TRPC4AP: variants seen among roughly 807,000 people sequenced by gnomAD.
TRPC4AP encodes transient receptor potential cation channel subfamily C member 4 associated protein, also known as short transient receptor potential channel 4-associated protein.
Under a neutral mutation model 99.0 loss-of-function variants are expected in TRPC4AP, and 45 were observed. The observed-to-expected ratio is 0.45, with a 90% CI of 0.36 to 0.58. The LOEUF (loss-of-function observed/expected upper bound fraction) is 0.58, where lower values mean the gene tolerates loss of function less well. TRPC4AP is among the 20% of genes least tolerant of loss of function. TRPC4AP has a pLI of 0.00. For synonymous variants in TRPC4AP, 408 were observed against 385.8 expected, an observed-to-expected ratio of 1.06 and a Z score of -0.67; for missense variants, 879 against 985.3, an observed-to-expected ratio of 0.89 and a Z score of 1.44.
chr20:35,061,871 T>G (rs763175181), intron 3 of TRPC4AP, among the ~76,000 whole-genome samples: 3 of 152,192 alleles, frequency 2.0e-5, no homozygotes, highest in African/African-American at 4.8e-5. Context: ...TTAAAGACTT[T>G]GTGTTTCAAA....
chr20:35,035,184 G>A lies in TRPC4AP; in HGVS notation c.990C>T (p.Asp330=). The A allele has an allele frequency of 6.2e-7, 1 of 1,614,088 alleles. No individual in the cohort carries two copies. The highest frequency in any genetic ancestry group is 1.3e-5 in the African/African-American group (1 of 75,024). ...QELEEWYTWL[D]NALVLDALMR... ...TCAGGGCATCTAGCACCAAAGCATT[G>A]TCTAGCCATGTGTACCACTCTTCCA... Residue 330 remains aspartate (D), a synonymous_variant, in exon 8 of 19, where the codon GAC becomes GAT. Coordinates refer to ENST00000252015, the MANE Select transcript of TRPC4AP (RefSeq NM_015638.3).
chr20:35,029,623 ACTTT>A (rs1472360666), intron 8 of TRPC4AP, among the ~76,000 whole-genome samples: 1 of 98,146 alleles, frequency 1.0e-5, no homozygotes. Flanking sequence ...TTCCCAAGTT[ACTTT>A]CTTTTTTTTT....
chr20:35,035,386 C>G, intron 7 of TRPC4AP, 78 bp from the exon 8 acceptor site: 2 of 1,410,114 alleles, frequency 1.4e-6, no homozygotes, highest in Middle Eastern at 1.9e-4. Context: ...AACAAACAAT[C>G]TGCATGATAG....
chr20:35,021,412 T>C (rs924314027), intron 8 of TRPC4AP, 56 bp from the exon 9 acceptor site: 97 of 1,586,774 alleles, frequency 6.1e-5, no homozygotes, highest in Admixed American at 8.5e-5. Context: ...AACACGTTTC[T>C]GCCCCTCGAA....
intron 1 of TRPC4AP, among the ~76,000 whole-genome samples, chr20:35,090,967 G>A (rs1334590840): frequency 1.3e-5 from 2 of 151,884 alleles, no homozygotes; most frequent in African/African-American, 4.8e-5. Flanking sequence ...CTCACTAAAA[G>A]TTAGTCCTCT....
At position 35,002,556 on chromosome 20, in the gene TRPC4AP, C is replaced by G. The variant is rs1274976366; in HGVS notation, c.*590G>C. 1 of 208,728 alleles carries G rather than the reference C, an allele frequency of 4.8e-6. No individual in the cohort carries two copies. Among genetic ancestry groups the G allele is most frequent in the South Asian group, 1.7e-4 (1 of 5,718 alleles). 12.9% of individuals were successfully genotyped at this position (208,728 alleles called of 1,614,324 possible). A position where few individuals can be genotyped will look rare whatever the true frequency, so the allele number is the denominator to read the frequency against. ...GGGCAGGCACAGCTGCCCCGTGCCC[C>G]AAGGGATGGAGGGAAAGGCCCCTCA... On this transcript the variant is annotated 3_prime_UTR_variant, in exon 19 of 19. Transcript: ENST00000252015.
At chr20:35,050,082 G>T in intron 5 of TRPC4AP, 88 bp from the exon 6 acceptor site, 1 of 1,429,446 alleles carries the variant, frequency 7.0e-7, no homozygotes, top group East Asian at 2.4e-5. Flanking sequence ...CTGAAAAGCA[G>T]TTTCACCTCT....
intron 8 of TRPC4AP, among the ~76,000 whole-genome samples, chr20:35,022,018 C>T (rs2082901797): frequency 6.6e-6 from 1 of 152,310 alleles, no homozygotes; most frequent in Non-Finnish European, 1.5e-5. Flanking sequence ...GACTTGCTGG[C>T]TTTATGACTT....
In TRPC4AP at chr20:35,078,079, G is replaced by C. The variant is rs2084530482; in HGVS notation, c.264C>G (p.His88Gln). The change falls in exon 2 of 19, where the codon CAC becomes CAG. Residue 88 changes from histidine (H) to glutamine (Q), a missense_variant. By Grantham distance (24) the His-to-Gln change is conservative. This residue lies in a region of TRPC4AP where 603 missense variants were observed against 631.8 expected (regional missense o/e 0.95). Coordinates refer to ENST00000252015, the MANE Select transcript of TRPC4AP (RefSeq NM_015638.3). ...LLKLHTTSHL[H>Q]SDFVECQNIL... ...TGTTTTGACACTCAACAAAGTCACT[G>C]TGGAGGTGGCTGGTGGTGTGCAGCT... 4 of 1,613,888 alleles carry C rather than the reference G, an allele frequency of 2.5e-6. No homozygotes were observed. The highest frequency in any genetic ancestry group is 1.3e-5 in the African/African-American group (1 of 75,020).
chr20:35,039,101 A>C (rs1383609747), intron 7 of TRPC4AP, among the ~76,000 whole-genome samples: 1 of 152,222 alleles, frequency 6.6e-6, no homozygotes, highest in Admixed American at 6.5e-5. Flanking sequence ...AAAAACAAAA[A>C]AGAAATAAAA....
At chr20:35,086,089 T>C (rs907316161) in intron 1 of TRPC4AP, among the ~76,000 whole-genome samples, 36 of 132,974 alleles carry the variant, frequency 2.7e-4, no homozygotes, top group African/African-American at 9.8e-4. Context: ...ACCAAGTAGC[T>C]GGGATTACAG....
At chr20:35,005,063 C>T (rs956501795) in intron 16 of TRPC4AP, among the ~76,000 whole-genome samples, 2 of 152,176 alleles carry the variant, frequency 1.3e-5, no homozygotes, top group African/African-American at 2.4e-5. Context: ...AACTGCTTCC[C>T]GCACAACTGG....
At chr20:35,072,597 T>C (rs1290657007) in intron 2 of TRPC4AP, among the ~76,000 whole-genome samples, 2 of 152,200 alleles carry the variant, frequency 1.3e-5, no homozygotes, top group Non-Finnish European at 1.5e-5. Context: ...GTTGTAGATA[T>C]GCGGCATTAT....
Position 35,068,742 on chromosome 20 carries a change from G to A in TRPC4AP, c.414+554C>T, listed in dbSNP as rs557847456. 3.5e-4 allele frequency among the ~76,000 whole-genome samples: 53 copies of A among 151,592 alleles called. 1 individual carries two copies. The highest frequency in any genetic ancestry group is 6.6e-4 in the Admixed American group (10 of 15,202). ...TCACCATCTTGGACAGGTTGGTCTC[G>A]AACTCCTGACCTCACGATCCACCTG... On this transcript the variant is annotated intron_variant, in intron 3 of 18. Transcript: ENST00000252015.
At chr20:35,029,833 TCAC>T (rs2083133538) in intron 8 of TRPC4AP, among the ~76,000 whole-genome samples, 1 of 148,626 alleles carries the variant, frequency 6.7e-6, no homozygotes, top group Non-Finnish European at 1.5e-5. Flanking sequence ...AGACGGGGTT[TCAC>T]CACGTTAGCC....
rs561098311 is a variant in TRPC4AP, at chr20:35,012,916, C to T, written c.1409+92G>A. The stretch of plus-strand genomic sequence containing the variant: ...GGGCTTCCACCAGCTCCAGGGCCTC[C>T]TCTCGAGCTGAGGTCAGGGACCAGA... On this transcript the variant is annotated intron_variant, in intron 11 of 18. Transcript: ENST00000252015. 15 of 1,369,060 alleles carry T rather than the reference C, an allele frequency of 1.1e-5. No homozygotes were observed. The East Asian group carries it at 3.4e-4, about 31-fold the overall frequency. 84.8% of individuals were successfully genotyped at this position (1,369,060 alleles called of 1,614,324 possible). A position where few individuals can be genotyped will look rare whatever the true frequency, so the allele number is the denominator to read the frequency against.
intron 5 of TRPC4AP, among the ~76,000 whole-genome samples, chr20:35,051,640 T>G (rs893536102): frequency 2.7e-5 from 4 of 150,818 alleles, no homozygotes; most frequent in African/African-American, 9.8e-5. Context: ...AAAAGGTTGT[T>G]ATTCCCGAAC....
chr20:35,023,147 GAC>G (rs1169155509), intron 8 of TRPC4AP, among the ~76,000 whole-genome samples: 4 of 152,166 alleles, frequency 2.6e-5, no homozygotes, highest in African/African-American at 4.8e-5. Flanking sequence ...GTGTGACTGA[GAC>G]ACAGTGTGAC....
chr20:35,058,686 TC>T (rs1460234520), intron 3 of TRPC4AP, among the ~76,000 whole-genome samples: 16 of 108,174 alleles, frequency 1.5e-4, no homozygotes, highest in Non-Finnish European at 2.5e-4. Flanking sequence ...AAAAGAAAAT[TC>T]TTTTTTTTTT....
Sources: allele counts gnomAD v4.1 joint callset (sites outside exome capture counted in the v4.1 genomes callset), GRCh38; gene constraint gnomAD v4.1.1; regional missense constraint gnomAD v4.1.1; transcripts MANE v1.5; gene names NCBI Gene and HGNC (gene_info 2026-07-23, HGNC 2026-07-21).